Variants in PIP5K1C observed in about 807,000 individuals in gnomAD.
PIP5K1C encodes the protein phosphatidylinositol-4-phosphate 5-kinase type 1 gamma.
PIP5K1C carries 45 observed loss-of-function variants against 80.1 expected under a neutral mutation model. The observed-to-expected ratio is 0.56, with a 90% CI of 0.44 to 0.72. PIP5K1C has a LOEUF of 0.72. PIP5K1C is among the 30% of genes least tolerant of loss of function. The pLI is 0.00. For synonymous variants in PIP5K1C, 498 were observed against 420.1 expected (o/e 1.19, Z -2.27); for missense variants, 753 against 954.6 (o/e 0.79, Z 2.78).
At chr19:3,651,507 A>G (rs1048830297) in intron 8 of PIP5K1C, among the ~76,000 whole-genome samples, 1 of 151,814 alleles carries the variant, frequency 6.6e-6, no homozygotes, top group Admixed American at 6.6e-5. Flanking sequence ...TGGCGTGTAG[A>G]CCCCTCTGAG....
intron 7 of PIP5K1C, 107 bp downstream of exon 7, chr19:3,653,183 G>T: frequency 2.0e-6 from 2 of 999,074 alleles, no homozygotes; most frequent in Non-Finnish European, 3.0e-6. Flanking sequence ...CTGCAGGGCA[G>T]GTGGGCCTCG....
At position 3,643,392 on chromosome 19, in the gene PIP5K1C, A is replaced by G. The variant is rs1361641375; in HGVS notation, c.1511-11T>C. The G allele has an allele frequency of 6.2e-7, 1 of 1,613,070 alleles. No individual in the cohort carries two copies. Among genetic ancestry groups the G allele is most frequent in the East Asian group, 2.2e-5 (1 of 44,870 alleles). On this transcript the variant is annotated splice_polypyrimidine_tract_variant and intron_variant, in intron 12 of 17. Coordinates refer to ENST00000335312, the MANE Select transcript of PIP5K1C (RefSeq NM_012398.3). ...GGAGGTCGGGCCGGCCTGAGGGGAG[A>G]GGACTGTGGGCACCTTGCGGAGCCT...
chr19:3,643,134 C>CGATGCTCCACCCACATGCACAGCG (rs1033326322), intron 13 of PIP5K1C, 109 bp downstream of exon 13: 7 of 1,556,944 alleles, frequency 4.5e-6, no homozygotes, highest in East Asian at 2.3e-5. Context: ...ACCGTACATA[C>CGATGCTCCACCCACATGCACAGCG]GATGCTCCAC....
rs2033755485 is a variant in PIP5K1C at position 3,637,645 on chromosome 19, G to A, written c.1920+1239C>T. 6.6e-7 allele frequency: 1 copy of A among 1,515,368 alleles called. No individual in the cohort carries two copies. Among genetic ancestry groups the A allele is most frequent in the African/African-American group, 1.4e-5 (1 of 72,784 alleles). The allele number at this position is 1,515,368 out of a possible 1,614,324, so 93.9% of individuals were successfully genotyped here. A position where few individuals can be genotyped will look rare whatever the true frequency, so the allele number is the denominator to read the frequency against. Reference sequence around the variant, plus strand: ...GGGGCGGGCCGGGTGGGCCGGAGGAGGAAGGAAAACAGAGGACAGCGGATG... The same window carrying A: ...GGGGCGGGCCGGGTGGGCCGGAGGAAGAAGGAAAACAGAGGACAGCGGATG... On this transcript the variant is annotated intron_variant, in intron 16 of 17. Coordinates refer to ENST00000335312, the MANE Select transcript of PIP5K1C (RefSeq NM_012398.3). This position sits in a 1 kb window ranked among gnomAD's most constrained non-coding sequence, Gnocchi z 7.0.
Position 3,642,910 on chromosome 19 carries a change from C to T in PIP5K1C, c.1679G>A (p.Gly560Asp), listed in dbSNP as rs146916804. ...RRRTQSSGQD[G>D]RPQEEPPAEE... is the part of the protein sequence containing the mutation. ...AAGGAAGGGGGTTGGGTCTCACCTGCCATCCTGTCCAGACGACTGTGTGCG... is the reference window on the plus strand; with the variant it reads ...AAGGAAGGGGGTTGGGTCTCACCTGTCATCCTGTCCAGACGACTGTGTGCG... Residue 560 changes from glycine to aspartate, a missense_variant, in exon 14 of 18, where the codon GGC (glycine) becomes GAC (aspartate). By Grantham distance (94) the Gly-to-Asp change is moderately conservative (BLOSUM62 -1). Coordinates refer to ENST00000335312, the MANE Select transcript of PIP5K1C (RefSeq NM_012398.3). 6 of 1,613,224 alleles carry T rather than the reference C, an allele frequency of 3.7e-6. No individual in the cohort carries two copies. The highest frequency in any genetic ancestry group is 5.1e-6 in the Non-Finnish European group (6 of 1,179,644).
intron 6 of PIP5K1C, among the ~76,000 whole-genome samples, chr19:3,655,530 A>G (rs1289381954): frequency 1.3e-5 from 2 of 152,256 alleles, no homozygotes; most frequent in Non-Finnish European, 2.9e-5. Context: ...GTATGGGCAC[A>G]TGGCCGCGCC....
intron 13 of PIP5K1C, 50 bp downstream of exon 13, chr19:3,643,193 C>T: frequency 1.2e-6 from 2 of 1,608,398 alleles, no homozygotes; most frequent in Non-Finnish European, 1.7e-6. Flanking sequence ...TGCCCCGCCC[C>T]CACGCACAGC....
At chr19:3,645,196 C>T (rs961407125) in intron 11 of PIP5K1C, among the ~76,000 whole-genome samples, 14 of 152,340 alleles carry the variant, frequency 9.2e-5, no homozygotes, top group African/African-American at 2.4e-4. Context: ...CCCGTGGGTG[C>T]GGACCCGCAG....
rs61749997 is a variant in PIP5K1C at position 3,646,041 on chromosome 19, G to A, written c.1278C>T (p.His426=). 29 of 1,612,596 alleles carry A rather than the reference G, an allele frequency of 1.8e-5. No homozygotes were observed. Among genetic ancestry groups the A allele is most frequent in the Non-Finnish European group, 2.3e-5 (27 of 1,179,556 alleles). ...LVHDGDTVSV[H]RPSFYAERFF... ...AGCGCTCGGCATAGAAGCTGGGGCG[G>A]TGGACGGACACCGTGTCCTGGAAGA... Residue 426 remains histidine, a synonymous_variant, in exon 11 of 18, where the codon CAC becomes CAT. Transcript: ENST00000335312.
intron 5 of PIP5K1C, among the ~76,000 whole-genome samples, chr19:3,659,662 G>A (rs772577908): frequency 1.9e-4 from 29 of 152,090 alleles, no homozygotes; most frequent in Non-Finnish European, 3.4e-4. Flanking sequence ...GGGCCTTGGC[G>A]ACACGACCCG....
chr19:3,643,438 T>G (rs2034068482), intron 12 of PIP5K1C, 57 bp from the exon 13 acceptor site: 2 of 1,604,706 alleles, frequency 1.2e-6, no homozygotes, highest in African/African-American at 2.7e-5. Flanking sequence ...AAACACACAG[T>G]CGATTCTCCC....
At chr19:3,673,921 T>C (rs2035284381) in intron 1 of PIP5K1C, 1 of 152,260 alleles carries the variant, frequency 6.6e-6, no homozygotes, top group Non-Finnish European at 1.5e-5. Flanking sequence ...AATCTTCTCC[T>C]GCTAAACTGC....
intron 15 of PIP5K1C, among the ~76,000 whole-genome samples, chr19:3,639,669 C>T (rs369106147): frequency 5.9e-5 from 9 of 151,954 alleles, no homozygotes; most frequent in East Asian, 1.9e-4. Flanking sequence ...TGGGGTCAAG[C>T]GATCCTCCTG....
intron 1 of PIP5K1C, among the ~76,000 whole-genome samples, chr19:3,679,962 C>G (rs1162550150): frequency 1.3e-5 from 2 of 152,212 alleles, no homozygotes; most frequent in African/African-American, 4.8e-5. Context: ...ACTGCCCGGG[C>G]TATGGTGGGG....
In PIP5K1C at chr19:3,637,132, G is replaced by C. The variant is rs2033720382; in HGVS notation, c.1920+1752C>G. Reference sequence around the variant, plus strand: ...TCTGCTGACCTGTGCAACCTCCCCTGTGCAGCCAGCGGGGCCACGGGCAGC... The same window carrying C: ...TCTGCTGACCTGTGCAACCTCCCCTCTGCAGCCAGCGGGGCCACGGGCAGC... On this transcript the variant is annotated intron_variant, in intron 16 of 17. Transcript: ENST00000335312. The surrounding 1 kb of genome is among the most constrained non-coding windows in gnomAD (Gnocchi z 7.0). 7.2e-7 allele frequency: 1 copy of C among 1,381,102 alleles called. No individual in the cohort carries two copies. The highest frequency in any genetic ancestry group is 3.1e-5 in the Admixed American group (1 of 32,372). The allele number at this position is 1,381,102 out of a possible 1,614,324, so 85.6% of individuals were successfully genotyped here.
At chr19:3,679,726 G>A (rs1045264428) in intron 1 of PIP5K1C, among the ~76,000 whole-genome samples, 20 of 152,290 alleles carry the variant, frequency 1.3e-4, no homozygotes, top group African/African-American at 4.6e-4. Context: ...ACCAAGATGG[G>A]GCATCAGGAA....
In PIP5K1C at chr19:3,688,217, G is replaced by A. The variant is rs144875495; in HGVS notation, c.94+12080C>T. ...CACAGCAGAGGTGGACGCCCCTCGC[G>A]GCTGGCTCCCCAGCGTCCCTGTCCT... is the stretch of plus-strand genomic sequence containing the variant. On this transcript the variant is annotated intron_variant, in intron 1 of 17. Coordinates refer to ENST00000335312, the MANE Select transcript of PIP5K1C (RefSeq NM_012398.3). The surrounding 1 kb of genome is among the most constrained non-coding windows in gnomAD (Gnocchi z 5.3). 1.3e-5 allele frequency among the ~76,000 whole-genome samples: 2 copies of A among 152,324 alleles called. No homozygotes were observed. Among genetic ancestry groups the A allele is most frequent in the Admixed American group, 6.5e-5 (1 of 15,310 alleles).
At chr19:3,673,016 G>A (rs2035260103) in intron 1 of PIP5K1C, among the ~76,000 whole-genome samples, 1 of 149,880 alleles carries the variant, frequency 6.7e-6, no homozygotes, top group South Asian at 2.1e-4. Context: ...TGCGAAAGGG[G>A]GCCCACCCAC....
chr19:3,685,012 G>A (rs1471179351), intron 1 of PIP5K1C, among the ~76,000 whole-genome samples: 1 of 152,194 alleles, frequency 6.6e-6, no homozygotes, highest in African/African-American at 2.4e-5. Flanking sequence ...TACATATTTT[G>A]TCATTTTTAT....
Sources: allele counts gnomAD v4.1 joint callset (sites outside exome capture counted in the v4.1 genomes callset), GRCh38; gene constraint gnomAD v4.1.1; non-coding constraint Gnocchi (gnomAD v3.1); transcripts MANE v1.5; gene names NCBI Gene and HGNC (gene_info 2026-07-23, HGNC 2026-07-21).